The following SLC16A9 variants were observed in gnomAD, a reference collection of about 807,000 sequenced individuals.
SLC16A9 encodes the protein monocarboxylate transporter 9.
A neutral mutation model predicts 44.3 loss-of-function variants in SLC16A9; 26 were observed. The ratio of observed to expected loss-of-function variants is 0.59; its 90% CI spans 0.43 to 0.81. The LOEUF is 0.81. Among genes scored for constraint, SLC16A9 ranks in the 40% least tolerant of loss-of-function variants. SLC16A9 has a pLI of 0.00. For missense variants in SLC16A9, 559 were observed against 595.8 expected (o/e 0.94, Z 0.64); for synonymous variants, 230 against 225.1 (o/e 1.02, Z -0.19).
intron 2 of SLC16A9, among the ~76,000 whole-genome samples, chr10:59,680,412 C>G (rs1279964985): frequency 2.6e-5 from 4 of 152,200 alleles, no homozygotes; most frequent in Non-Finnish European, 2.9e-5. Context: ...AAGGTTCCAG[C>G]TCCCTCTGCC....
intron 1 of SLC16A9, among the ~76,000 whole-genome samples, chr10:59,690,255 T>C (rs1417910467): frequency 6.6e-6 from 1 of 152,188 alleles, no homozygotes; most frequent in African/African-American, 2.4e-5. Flanking sequence ...TTAAGTTATA[T>C]TGCACTAGCT....
At chr10:59,686,326 C>A (rs1419614662) in intron 1 of SLC16A9, among the ~76,000 whole-genome samples, 1 of 152,130 alleles carries the variant, frequency 6.6e-6, no homozygotes, top group African/African-American at 2.4e-5. Flanking sequence ...TCTATATGAA[C>A]TTCAGAATCA....
At chr10:59,704,397 C>T (rs907095600) in intron 1 of SLC16A9, among the ~76,000 whole-genome samples, 29 of 152,084 alleles carry the variant, frequency 1.9e-4, no homozygotes, top group Non-Finnish European at 4.1e-4. Flanking sequence ...CTCAATCTAC[C>T]CATGAGGAAA....
At chr10:59,705,370 G>T (rs1219348144) in intron 1 of SLC16A9, among the ~76,000 whole-genome samples, 4 of 152,110 alleles carry the variant, frequency 2.6e-5, no homozygotes, top group Non-Finnish European at 5.9e-5. Context: ...TAGTACAATA[G>T]TTCAAAGCAC....
Position 59,672,757 on chromosome 10 carries a change from C to T in SLC16A9, c.340+13G>A, listed in dbSNP as rs142674185. The stretch of plus-strand genomic sequence containing the variant: ...TTGAAGGTTAGGAAAGTCATAGTGA[C>T]GAGGTTCCTTACCTACAACAATGCC... On this transcript the variant is annotated intron_variant, in intron 3 of 5. Transcript: ENST00000395348. 1.5e-4 allele frequency: 249 copies of T among 1,607,164 alleles called. 2 individuals are homozygous for T. The African/African-American group carries it at 2.1e-3, about 13-fold the overall frequency.
chr10:59,699,730 G>C (rs1806662879), intron 1 of SLC16A9, among the ~76,000 whole-genome samples: 1 of 151,638 alleles, frequency 6.6e-6, no homozygotes, highest in Non-Finnish European at 1.5e-5. Flanking sequence ...CTGGTAGTCA[G>C]AAAAAGTTAT....
intron 1 of SLC16A9, among the ~76,000 whole-genome samples, chr10:59,706,463 A>C (rs1840638374): frequency 6.6e-6 from 1 of 152,234 alleles, no homozygotes; most frequent in East Asian, 1.9e-4. Context: ...AGAAAAATTA[A>C]AAATGGAACT....
chr10:59,673,222 T>C lies in SLC16A9; in HGVS notation c.197-309A>G, dbSNP rs79211979. ...AATTCTAGCCCTACTACTTGGTAGC[T>C]ATTCGGTCTTGGGCAACTTATTTGA... is the stretch of plus-strand genomic sequence containing the variant. On this transcript the variant is annotated intron_variant, in intron 2 of 5. Transcript: ENST00000395348. Among the ~76,000 whole-genome samples the C allele has an allele frequency of 6.0e-3, 914 of 152,314 alleles. 2 individuals are homozygous for C. Among genetic ancestry groups the C allele is most frequent in the African/African-American group, 0.021 (857 of 41,570 alleles).
intron 1 of SLC16A9, among the ~76,000 whole-genome samples, chr10:59,688,242 A>G (rs1840178183): frequency 6.6e-6 from 1 of 152,176 alleles, no homozygotes; most frequent in Admixed American, 6.5e-5. Flanking sequence ...CCATTCACAC[A>G]CAGCCTAATT....
intron 1 of SLC16A9, among the ~76,000 whole-genome samples, chr10:59,699,714 A>G (rs1269850022): frequency 6.6e-6 from 1 of 151,974 alleles, no homozygotes; most frequent in East Asian, 1.9e-4. Flanking sequence ...ATCCCTTTAG[A>G]CATAACTGGT....
At chr10:59,702,991 T>C (rs1840558054) in intron 1 of SLC16A9, among the ~76,000 whole-genome samples, 1 of 152,178 alleles carries the variant, frequency 6.6e-6, no homozygotes. Flanking sequence ...GAAACCAAAA[T>C]TGATTCTTTC....
At chr10:59,684,608 C>A (rs1268438216) in intron 1 of SLC16A9, among the ~76,000 whole-genome samples, 1 of 151,810 alleles carries the variant, frequency 6.6e-6, no homozygotes, top group African/African-American at 2.4e-5. Context: ...AGATTCCCAC[C>A]CTGCTCAACC....
At chr10:59,656,779 G>A (rs921885659) in intron 4 of SLC16A9, among the ~76,000 whole-genome samples, 2 of 152,142 alleles carry the variant, frequency 1.3e-5, no homozygotes, top group Admixed American at 6.5e-5. Flanking sequence ...ATTAAGCCCT[G>A]CGTGCAATAG....
intron 4 of SLC16A9, among the ~76,000 whole-genome samples, chr10:59,661,414 A>C (rs1839472380): frequency 6.6e-6 from 1 of 152,222 alleles, no homozygotes; most frequent in Non-Finnish European, 1.5e-5. Context: ...CATAGAGAAT[A>C]AAATACCTAG....
intron 2 of SLC16A9, among the ~76,000 whole-genome samples, chr10:59,677,890 T>C (rs1321805422): frequency 6.6e-6 from 1 of 152,008 alleles, no homozygotes; most frequent in Non-Finnish European, 1.5e-5. Flanking sequence ...ATTTTTTTAA[T>C]TTATTATTAT....
In SLC16A9 at chr10:59,664,427, G is replaced by C. The variant is rs371292880; in HGVS notation, c.341-105C>G. 100 of 645,160 alleles carry C rather than the reference G, an allele frequency of 1.5e-4. 2 individuals are homozygous for C. The East Asian group carries it at 1.8e-3, about 12-fold the overall frequency. 40.0% of individuals were successfully genotyped at this position (645,160 alleles called of 1,614,324 possible). On this transcript the variant is annotated intron_variant, in intron 3 of 5. Coordinates refer to ENST00000395348, the MANE Select transcript of SLC16A9 (RefSeq NM_194298.3). ...CGATAAGACATTCCATTACTCACTG[G>C]CTAAAACTGTTACAAGTACAGACTC... is the stretch of plus-strand genomic sequence containing the variant.
chr10:59,679,805 C>T (rs1372351875), intron 2 of SLC16A9, among the ~76,000 whole-genome samples: 1 of 152,166 alleles, frequency 6.6e-6, no homozygotes, highest in African/African-American at 2.4e-5. Context: ...CTCTGCAGTA[C>T]CAAATCCAGG....
chr10:59,664,257 G>T lies in SLC16A9; in HGVS notation c.406C>A (p.Arg136=), dbSNP rs753880533. ...GAAATCAGGCCAAGCGCTAGGCCTC[G>T]GCGATCGTCAAAATACTGGCACGTA... ...TITCQYFDDR[R]GLALGLISTG... is the part of the protein sequence containing the mutation. The change falls in exon 4 of 6, where the codon CGA becomes AGA. Residue 136 remains arginine, a synonymous_variant. Transcript: ENST00000395348. The T allele has an allele frequency of 6.2e-7, 1 of 1,612,122 alleles. No homozygotes were observed. Among genetic ancestry groups the T allele is most frequent in the Non-Finnish European group, 8.5e-7 (1 of 1,178,930 alleles).
intron 4 of SLC16A9, among the ~76,000 whole-genome samples, chr10:59,659,775 A>G (rs2132412560): frequency 6.6e-6 from 1 of 152,332 alleles, no homozygotes; most frequent in African/African-American, 2.4e-5. Context: ...GCAAATGGAA[A>G]AGAACGGAAA....
Sources: allele counts gnomAD v4.1 joint callset (sites outside exome capture counted in the v4.1 genomes callset), GRCh38; gene constraint gnomAD v4.1.1; transcripts MANE v1.5; gene names NCBI Gene and HGNC (gene_info 2026-07-23, HGNC 2026-07-21).